COL14A1: variants seen among roughly 807,000 people sequenced by gnomAD.
COL14A1 encodes collagen type XIV alpha 1 chain.
A neutral mutation model predicts 230.3 loss-of-function variants in COL14A1; 136 were observed. That is an observed-to-expected ratio of 0.59 (90% CI 0.51 to 0.68). The LOEUF is 0.68. Ranked by LOEUF, COL14A1 falls within the 30% of genes least tolerant of loss-of-function variation. The pLI is 0.00. For missense variants in COL14A1, 1,976 were observed against 2,215.8 expected (o/e 0.89, Z 2.17); for synonymous variants, 792 against 784.1 (o/e 1.01, Z -0.17).
At chr8:120,328,344 C>A (rs553519136) in intron 40 of COL14A1, among the ~76,000 whole-genome samples, 12 of 152,186 alleles carry the variant, frequency 7.9e-5, no homozygotes, top group African/African-American at 2.4e-4. Context: ...AGCAATCCTC[C>A]AGAGTAGCTG....
chr8:120,215,200 G>A (rs1021399534), intron 13 of COL14A1, among the ~76,000 whole-genome samples: 4 of 152,018 alleles, frequency 2.6e-5, no homozygotes, highest in South Asian at 4.2e-4. Flanking sequence ...TGAAACCCCC[G>A]TCTCTACCAA....
At chr8:120,166,211 G>A (rs988560772) in intron 4 of COL14A1, among the ~76,000 whole-genome samples, 2 of 152,176 alleles carry the variant, frequency 1.3e-5, no homozygotes, top group Non-Finnish European at 2.9e-5. Flanking sequence ...TTGAAAGATG[G>A]GCAGGGAGCA....
Position 120,280,730 on chromosome 8 carries a change from G to A in COL14A1, c.3666G>A (p.Lys1222=). The change falls in exon 30 of 48, where the codon AAG becomes AAA. Residue 1222 remains lysine, a synonymous_variant. Coordinates refer to ENST00000297848, the MANE Select transcript of COL14A1 (RefSeq NM_021110.4). ...TTCCAGCCTGTCCAGTGGTACACAA[G>A]GATGGCATTGATCTTGCAGGTATGC... The part of the protein sequence containing the change: ...TASATCPVVH[K]DGIDLAGFKM... 6.2e-7 allele frequency: 1 copy of A among 1,613,462 alleles called. No individual in the cohort carries two copies. Among genetic ancestry groups the A allele is most frequent in the South Asian group, 1.1e-5 (1 of 90,950 alleles).
chr8:120,334,240 T>C (rs1821973894), intron 42 of COL14A1, among the ~76,000 whole-genome samples: 2 of 152,208 alleles, frequency 1.3e-5, no homozygotes, highest in South Asian at 4.1e-4. Flanking sequence ...GTGAGGCATA[T>C]GTAGGTACAC....
Position 120,200,711 on chromosome 8 carries a change from CTATTTATATA to C in COL14A1, c.877+1149_877+1158del, listed in dbSNP as rs1817208772. Among the ~76,000 whole-genome samples, 7 of 76,814 alleles carry C rather than the reference CTATTTATATA, an allele frequency of 9.1e-5. 1 individual carries two copies. The highest frequency in any genetic ancestry group is 9.8e-4 in the South Asian group (2 of 2,042). The allele number at this position is 76,814 out of a possible 152,430, so 50.4% of individuals were successfully genotyped here. On this transcript the variant is annotated intron_variant, in intron 8 of 47. Coordinates refer to ENST00000297848, the MANE Select transcript of COL14A1 (RefSeq NM_021110.4). The stretch of plus-strand genomic sequence containing the variant: ...TAGAGAAAGATCCTAAAAAGTTTTC[CTATTTATATA>C]TATATATATATATATATATATATAT...
Position 120,272,061 on chromosome 8 carries a change from T to G in COL14A1, c.3213+1887T>G, listed in dbSNP as rs138120981. On this transcript the variant is annotated intron_variant, in intron 26 of 47. Transcript: ENST00000297848. ...TTGTGAAAGAATGGCTAAGAAAATG[T>G]GGGCACAAGAAGTACCGTAAGAGGA... Among the ~76,000 whole-genome samples the G allele has an allele frequency of 6.6e-5, 10 of 151,708 alleles. No individual in the cohort carries two copies. In the East Asian group the frequency reaches 1.6e-3, roughly 24 times the overall value.
intron 9 of COL14A1, among the ~76,000 whole-genome samples, chr8:120,206,433 C>T (rs534620853): frequency 2.7e-4 from 41 of 152,212 alleles, no homozygotes; most frequent in Non-Finnish European, 5.0e-4. Context: ...TCACTGCAAC[C>T]TCTGCCTCCC....
intron 5 of COL14A1, among the ~76,000 whole-genome samples, chr8:120,193,668 C>T (rs1042607928): frequency 6.6e-6 from 1 of 152,206 alleles, no homozygotes; most frequent in African/African-American, 2.4e-5. Context: ...CCTACAGAGG[C>T]AGGCAGGCCT....
At chr8:120,292,913 A>G (rs1820415747) in intron 34 of COL14A1, among the ~76,000 whole-genome samples, 1 of 152,102 alleles carries the variant, frequency 6.6e-6, no homozygotes, top group South Asian at 2.1e-4. Flanking sequence ...CGTTCTTAAT[A>G]AAATCAACTG....
chr8:120,369,677 C>A (rs1823522830), intron 47 of COL14A1, among the ~76,000 whole-genome samples, 192 bp downstream of exon 47: 1 of 152,172 alleles, frequency 6.6e-6, no homozygotes, highest in African/African-American at 2.4e-5. Flanking sequence ...AGGCTACTCC[C>A]TTAAAAACCT....
At chr8:120,199,874 G>A (rs760650466) in intron 8 of COL14A1, among the ~76,000 whole-genome samples, 1 of 152,002 alleles carries the variant, frequency 6.6e-6, no homozygotes, top group Non-Finnish European at 1.5e-5. Flanking sequence ...AGTAAGTCAA[G>A]ACTTTCTCTT....
rs371698836 is a variant in COL14A1, at chr8:120,233,211, G to A, written c.2349+1593G>A. On this transcript the variant is annotated intron_variant, in intron 19 of 47. Transcript: ENST00000297848. ...GATTGCAAAAATTTTCTCCCATTCT[G>A]TAGGTTGCCTGTTCACTCTGATGAT... Among the ~76,000 whole-genome samples the A allele has an allele frequency of 1.4e-4, 21 of 152,202 alleles. 1 individual carries two copies. The East Asian group carries it at 1.5e-3, about 11-fold the overall frequency.
intron 22 of COL14A1, among the ~76,000 whole-genome samples, chr8:120,252,425 A>G (rs1354063976): frequency 6.6e-6 from 1 of 152,220 alleles, no homozygotes; most frequent in Non-Finnish European, 1.5e-5. Context: ...ATTAAAGACA[A>G]CATATAAATG....
intron 4 of COL14A1, among the ~76,000 whole-genome samples, chr8:120,166,835 G>A (rs1815891776): frequency 6.7e-6 from 1 of 149,256 alleles, no homozygotes; most frequent in South Asian, 2.1e-4. Context: ...GAGAAAACCA[G>A]GATAAAGCCA....
chr8:120,274,458 T>A (rs1260524902), intron 26 of COL14A1, among the ~76,000 whole-genome samples: 1 of 151,852 alleles, frequency 6.6e-6, no homozygotes, highest in African/African-American at 2.4e-5. Flanking sequence ...TTCAAGATAG[T>A]ACTGGAAGTC....
chr8:120,314,950 C>T (rs950481433), intron 38 of COL14A1, among the ~76,000 whole-genome samples: 1 of 152,170 alleles, frequency 6.6e-6, no homozygotes, highest in Non-Finnish European at 1.5e-5. Flanking sequence ...AGCCGCCCTG[C>T]ATGTATTTAC....
chr8:120,224,627 T>C (rs972446002), intron 14 of COL14A1, among the ~76,000 whole-genome samples: 1 of 152,228 alleles, frequency 6.6e-6, no homozygotes, highest in African/African-American at 2.4e-5. Context: ...CTGTGGAAGA[T>C]AGAGGAATGT....
chr8:120,124,901 G>T (rs1384863418), upstream of COL14A1, among the ~76,000 whole-genome samples: 5 of 152,294 alleles, frequency 3.3e-5, no homozygotes, highest in East Asian at 9.7e-4. Flanking sequence ...GCGCACCTGG[G>T]GGGACCGCCA....
At chr8:120,287,432 A>G (rs1255715358) in intron 33 of COL14A1, among the ~76,000 whole-genome samples, 1 of 152,190 alleles carries the variant, frequency 6.6e-6, no homozygotes, top group Non-Finnish European at 1.5e-5. Context: ...GCAAAATAGT[A>G]AAAAATAAAA....
Sources: allele counts gnomAD v4.1 joint callset (sites outside exome capture counted in the v4.1 genomes callset), GRCh38; gene constraint gnomAD v4.1.1; transcripts MANE v1.5; gene names NCBI Gene and HGNC (gene_info 2026-07-23, HGNC 2026-07-21).